The following HTR3A variants were observed in gnomAD, a reference collection of about 807,000 sequenced individuals.
The protein encoded by HTR3A is 5-hydroxytryptamine (serotonin) receptor 3A, ionotropic.
In HTR3A, 45 loss-of-function variants were observed where a neutral mutation model predicts 54.8. The observed-to-expected ratio is 0.82, with a 90% CI of 0.65 to 1.05. HTR3A has a LOEUF of 1.05. Among genes scored for constraint, HTR3A ranks in the 50% least tolerant of loss-of-function variants. The probability of loss-of-function intolerance (pLI) is 0.00; values close to 1 mark genes in which losing one functional copy is unlikely to be tolerated. For synonymous variants in HTR3A, 297 were observed against 256.0 expected (o/e 1.16, Z -1.53); for missense variants, 657 against 614.0 (o/e 1.07, Z -0.74).
rs1950498023 is a variant in HTR3A, at chr11:113,986,771, C to T, written c.916+43C>T. On this transcript the variant is annotated intron_variant, in intron 7 of 8. Coordinates refer to ENST00000504030, the MANE Select transcript of HTR3A (RefSeq NM_000869.6). Reference sequence around the variant, plus strand: ...AGCAGAGCTCAGTCTGGTGAGAAACCCGCCCCCTCCCACCTCCTGCATGTG... The same window carrying T: ...AGCAGAGCTCAGTCTGGTGAGAAACTCGCCCCCTCCCACCTCCTGCATGTG... The T allele has an allele frequency of 5.6e-6, 9 of 1,614,122 alleles. No individual in the cohort carries two copies. In the African/African-American group the frequency reaches 8.0e-5, roughly 14 times the overall value.
intron 2 of HTR3A, among the ~76,000 whole-genome samples, chr11:113,979,005 A>C (rs578045739): frequency 1.3e-4 from 20 of 152,304 alleles, no homozygotes; most frequent in African/African-American, 4.6e-4. Context: ...TAAATTAAAA[A>C]ATGAATCATT....
chr11:113,990,271 AGAT>A lies in HTR3A; in HGVS notation c.*513_*515del, dbSNP rs1290054889. The A allele has an allele frequency of 6.7e-6, 3 of 446,994 alleles. No individual in the cohort carries two copies. The East Asian group carries it at 2.1e-4, about 31-fold the overall frequency. The allele number at this position is 446,994 out of a possible 1,614,324, so 27.7% of individuals were successfully genotyped here. A position where few individuals can be genotyped will look rare whatever the true frequency, so the allele number is the denominator to read the frequency against. On this transcript the variant is annotated 3_prime_UTR_variant, in exon 9 of 9. Coordinates refer to ENST00000504030, the MANE Select transcript of HTR3A (RefSeq NM_000869.6). ...CTTCCCTGAACACTCATCCCCCATC[AGAT>A]GATGGGAGTGGGAAGAATAAAATGC...
Position 113,983,121 on chromosome 11 carries a change from G to A in HTR3A, c.376G>A (p.Val126Met), listed in dbSNP as rs143696508. The change falls in exon 5 of 9, where the codon GTG becomes ATG. Residue 126 changes from valine (V) to methionine (M), a missense_variant and splice_region_variant. Transcript: ENST00000504030. The stretch of plus-strand genomic sequence containing the variant: ...AACTAACCCCTTTTCCCCCGCCAGC[G>A]TGGATGTGGGGAAGTCTCCAAATAT... ...WVPDILINEF[V>M]DVGKSPNIPY... 124 of 1,614,058 alleles carry A rather than the reference G, an allele frequency of 7.7e-5. No individual in the cohort carries two copies. The highest frequency in any genetic ancestry group is 9.9e-5 in the Non-Finnish European group (117 of 1,180,040).
Position 113,975,381 on chromosome 11 carries a change from C to A in HTR3A, c.56C>A (p.Ala19Glu). 1 of 1,612,504 alleles carries A rather than the reference C, an allele frequency of 6.2e-7. No individual in the cohort carries two copies. Among genetic ancestry groups the A allele is most frequent in the South Asian group, 1.1e-5 (1 of 91,072 alleles). Residue 19 changes from alanine (A) to glutamate (E), a missense_variant, in exon 1 of 9, where the codon GCA becomes GAA. Physicochemically the swap from Ala to Glu is moderately radical, Grantham distance 107. Coordinates refer to ENST00000504030, the MANE Select transcript of HTR3A (RefSeq NM_000869.6). ...GCCTTGCTCCTCCCCACACTCCTGG[C>A]ACAGGGAGAAGGTAAGCAGACTTCG... ...LLALLLPTLL[A>E]QGEARRSRNT...
rs377608018 is a variant in HTR3A, at chr11:113,986,699, C to T, written c.887C>T (p.Pro296Leu). 8.0e-5 allele frequency: 129 copies of T among 1,614,080 alleles called. No homozygotes were observed. The highest frequency in any genetic ancestry group is 9.1e-5 in the Non-Finnish European group (107 of 1,180,050). ...VFLIIVSDTL[P>L]ATAIGTPLIG... is the part of the protein sequence containing the mutation. ...CTGATCATCGTTTCTGACACGCTGCCGGCCACTGCCATCGGCACTCCTCTC... is the reference window on the plus strand; with the variant it reads ...CTGATCATCGTTTCTGACACGCTGCTGGCCACTGCCATCGGCACTCCTCTC... Residue 296 changes from proline to leucine, a missense_variant, in exon 7 of 9, where the codon CCG becomes CTG. Coordinates refer to ENST00000504030, the MANE Select transcript of HTR3A (RefSeq NM_000869.6).
At chr11:113,983,598 G>A (rs1423247080) in intron 5 of HTR3A, among the ~76,000 whole-genome samples, 1 of 152,150 alleles carries the variant, frequency 6.6e-6, no homozygotes, top group Admixed American at 6.5e-5. Flanking sequence ...AAAGTACATG[G>A]AAATTGCTTT....
rs1299598220 is a variant in HTR3A, at chr11:113,986,831, A to G, written c.923A>G (p.Tyr308Cys). 33 of 1,613,668 alleles carry G rather than the reference A, an allele frequency of 2.0e-5. No homozygotes were observed. Among genetic ancestry groups the G allele is most frequent in the Non-Finnish European group, 2.6e-5 (31 of 1,179,990 alleles). ...TAIGTPLIGVYFVVCMALLVI... is the reference protein window; with the variant it reads ...TAIGTPLIGVCFVVCMALLVI... The stretch of plus-strand genomic sequence containing the variant: ...TCTGCCCTGGGCTGCACAGGTGTCT[A>G]CTTTGTGGTGTGCATGGCTCTGCTG... The change falls in exon 8 of 9, where the codon TAC becomes TGC. Residue 308 changes from tyrosine to cysteine, a missense_variant. Physicochemically the swap from Tyr to Cys is radical, Grantham distance 194 (BLOSUM62 -2). Transcript: ENST00000504030.
In HTR3A at chr11:113,975,217, CG is replaced by C; in HGVS notation, c.-108del. The C allele has an allele frequency of 9.4e-7, 1 of 1,068,088 alleles. No homozygotes were observed. Among genetic ancestry groups the C allele is most frequent in the Non-Finnish European group, 1.4e-6 (1 of 708,972 alleles). The allele number at this position is 1,068,088 out of a possible 1,614,324, so 66.2% of individuals were successfully genotyped here. A position where few individuals can be genotyped will look rare whatever the true frequency, so the allele number is the denominator to read the frequency against. On this transcript the variant is annotated 5_prime_UTR_variant, in exon 1 of 9. Transcript: ENST00000504030. Reference sequence around the variant, plus strand: ...CCTCAGAAGGTGTGAGCAGTGGCCACGAGAGGCAGGCTGGCTGGGACATGAG... The same window carrying C: ...CCTCAGAAGGTGTGAGCAGTGGCCACAGAGGCAGGCTGGCTGGGACATGAG...
At chr11:113,982,616 C>T (rs566000183) in intron 4 of HTR3A, among the ~76,000 whole-genome samples, 1 of 152,230 alleles carries the variant, frequency 6.6e-6, no homozygotes, top group African/African-American at 2.4e-5. Context: ...AATTCTTATC[C>T]ATTTCTCTAG....
rs1472479021 is a variant in HTR3A at position 113,986,770 on chromosome 11, C to T, written c.916+42C>T. ...CAGCAGAGCTCAGTCTGGTGAGAAA[C>T]CCGCCCCCTCCCACCTCCTGCATGT... On this transcript the variant is annotated intron_variant, in intron 7 of 8. Coordinates refer to ENST00000504030, the MANE Select transcript of HTR3A (RefSeq NM_000869.6). The T allele has an allele frequency of 3.1e-6, 5 of 1,614,118 alleles. No individual in the cohort carries two copies. The Admixed American group carries it at 6.7e-5, about 22-fold the overall frequency.
intron 3 of HTR3A, among the ~76,000 whole-genome samples, chr11:113,980,467 C>A (rs560023579): frequency 2.0e-5 from 3 of 152,202 alleles, no homozygotes; most frequent in African/African-American, 7.2e-5. Context: ...GGGTCATGGA[C>A]AATGTCCTGG....
chr11:113,986,232 T>C, intron 6 of HTR3A, 57 bp downstream of exon 6: 1 of 1,603,168 alleles, frequency 6.2e-7, no homozygotes, highest in Admixed American at 1.7e-5. Flanking sequence ...CCAGGTAGAC[T>C]TAAGGAGGCA....
Position 113,986,992 on chromosome 11 carries a change from A to G in HTR3A, c.1084A>G (p.Thr362Ala). Reference protein sequence around the residue: ...AWLLCLREQSTSQRPPATSQA... With the variant: ...AWLLCLREQSASQRPPATSQA... ...GCTACTTTGCCTGAGGGAGCAGTCA[A>G]CTTCCCAGAGGCCCCCAGCCACCTC... Residue 362 changes from threonine (T) to alanine (A), a missense_variant, in exon 8 of 9, where the codon ACT becomes GCT. Coordinates refer to ENST00000504030, the MANE Select transcript of HTR3A (RefSeq NM_000869.6). 2 of 1,613,996 alleles carry G rather than the reference A, an allele frequency of 1.2e-6. No homozygotes were observed. Among genetic ancestry groups the G allele is most frequent in the Non-Finnish European group, 1.7e-6 (2 of 1,180,010 alleles).
rs1950418882 is a variant in HTR3A, at chr11:113,981,286, G to A, written c.348G>A (p.Trp116Ter). The A allele has an allele frequency of 3.7e-6, 6 of 1,612,950 alleles. No homozygotes were observed. Among genetic ancestry groups the A allele is most frequent in the Non-Finnish European group, 4.2e-6 (5 of 1,178,898 alleles). The part of the protein sequence containing the change: ...TKLSIPTDSI[W>*]VPDILINEFV... The stretch of plus-strand genomic sequence containing the variant: ...TGTCCATCCCCACGGACAGCATCTG[G>A]GTCCCGGACATTCTCATCAATGAGT... The change falls in exon 4 of 9, where the codon TGG becomes TGA. Residue 116 changes from tryptophan (W) to a stop codon, truncating the protein, a stop_gained. Transcript: ENST00000504030. LOFTEE classifies it high-confidence loss of function.
chr11:113,977,992 C>T, intron 2 of HTR3A, 70 bp downstream of exon 2: 1 of 1,565,638 alleles, frequency 6.4e-7, no homozygotes, highest in Admixed American at 1.7e-5. Context: ...TGAGACAAGT[C>T]ACCCCCTATG....
Position 113,989,563 on chromosome 11 carries a change from C to A in HTR3A, c.1237C>A (p.Leu413Met). The A allele has an allele frequency of 6.2e-7, 1 of 1,614,206 alleles. No homozygotes were observed. Among genetic ancestry groups the A allele is most frequent in the Non-Finnish European group, 8.5e-7 (1 of 1,180,038 alleles). Residue 413 changes from leucine (L) to methionine (M), a missense_variant, in exon 9 of 9, where the codon CTG becomes ATG. By Grantham distance (15) the Leu-to-Met change is conservative. Transcript: ENST00000504030. The surrounding 1 kb of genome is among the most constrained non-coding windows in gnomAD (Gnocchi z 4.4). ...SPPPPPREAS[L>M]AVCGLLQELS... ...TCCCCCACCACCTCGGGAGGCCTCG[C>A]TGGCGGTGTGTGGGCTGCTGCAGGA...
chr11:113,977,957 C>G (rs745387270), intron 2 of HTR3A, 35 bp downstream of exon 2: 12 of 1,613,696 alleles, frequency 7.4e-6, no homozygotes, highest in African/African-American at 6.7e-5. Context: ...ACAGGCAGAC[C>G]TTTTGGGGGT....
chr11:113,986,630 G>C lies in HTR3A; in HGVS notation c.818G>C (p.Arg273Thr). 6.2e-7 allele frequency: 1 copy of C among 1,614,000 alleles called. No individual in the cohort carries two copies. Among genetic ancestry groups the C allele is most frequent in the African/African-American group, 1.3e-5 (1 of 75,042 alleles). The part of the protein sequence containing the change: ...GFYLPPNSGE[R>T]VSFKITLLLG... Reference sequence around the variant, plus strand: ...TACCTGCCCCCCAACAGTGGCGAGAGGGTCTCTTTCAAGATTACACTCCTC... The same window carrying C: ...TACCTGCCCCCCAACAGTGGCGAGACGGTCTCTTTCAAGATTACACTCCTC... The change falls in exon 7 of 9, where the codon AGG becomes ACG. Residue 273 changes from arginine to threonine, a missense_variant. By Grantham distance (71) the Arg-to-Thr change is moderately conservative. Transcript: ENST00000504030.
chr11:113,983,061 G>A, intron 4 of HTR3A, 59 bp from the exon 5 acceptor site: 1 of 1,599,690 alleles, frequency 6.3e-7, no homozygotes, highest in Non-Finnish European at 8.6e-7. Context: ...AAGATCTTCA[G>A]GCACCCAGAG....
Sources: allele counts gnomAD v4.1 joint callset (sites outside exome capture counted in the v4.1 genomes callset), GRCh38; gene constraint gnomAD v4.1.1; non-coding constraint Gnocchi (gnomAD v3.1); transcripts MANE v1.5; gene names NCBI Gene and HGNC (gene_info 2026-07-23, HGNC 2026-07-21).